Variants in ICA1L observed in about 807,000 individuals in gnomAD.
The protein encoded by ICA1L is islet cell autoantigen 1 like, also known as islet cell autoantigen 1-like protein.
A neutral mutation model predicts 61.3 loss-of-function variants in ICA1L; 50 were observed. The observed-to-expected ratio is 0.82, with a 90% CI of 0.65 to 1.03. The LOEUF (loss-of-function observed/expected upper bound fraction) is 1.03, where lower values mean the gene tolerates loss of function less well. Among genes scored for constraint, ICA1L ranks in the 50% least tolerant of loss-of-function variants. The pLI is 0.00. For missense variants in ICA1L, 508 were observed against 556.7 expected (o/e 0.91, Z 0.88); for synonymous variants, 161 against 191.3 (o/e 0.84, Z 1.31).
In ICA1L at chr2:202,786,506, G is replaced by A. The variant is rs952664928; in HGVS notation, c.1244-499C>T. On this transcript the variant is annotated intron_variant, in intron 11 of 12. Transcript: ENST00000358299. ...GGAGCTTGCAGTGAGCCGAGATTGCGCCACTGCAGTCCGCAGTCCGGCCTG... is the reference window on the plus strand; with the variant it reads ...GGAGCTTGCAGTGAGCCGAGATTGCACCACTGCAGTCCGCAGTCCGGCCTG... Among the ~76,000 whole-genome samples the A allele has an allele frequency of 3.9e-5, 6 of 152,020 alleles. No homozygotes were observed. In the South Asian group the frequency reaches 6.2e-4, roughly 16 times the overall value.
At chr2:202,835,193 G>A (rs939779676) in intron 1 of ICA1L, among the ~76,000 whole-genome samples, 9 of 148,330 alleles carry the variant, frequency 6.1e-5, no homozygotes, top group Non-Finnish European at 1.3e-4. Flanking sequence ...ACTGTCAATG[G>A]CATTGTTTTA....
chr2:202,793,265 C>T (rs1692810520), intron 10 of ICA1L, among the ~76,000 whole-genome samples: 1 of 151,782 alleles, frequency 6.6e-6, no homozygotes, highest in Non-Finnish European at 1.5e-5. Context: ...AATCCCAGTA[C>T]AGATTAAAAG....
At chr2:202,791,750 T>C (rs769580558) in intron 10 of ICA1L, among the ~76,000 whole-genome samples, 4 of 150,882 alleles carry the variant, frequency 2.7e-5, no homozygotes, top group South Asian at 2.1e-4. Flanking sequence ...GGAGGCAAGG[T>C]TGGAGAATCA....
At chr2:202,850,516 A>C (rs1694588544) in intron 1 of ICA1L, among the ~76,000 whole-genome samples, 1 of 152,186 alleles carries the variant, frequency 6.6e-6, no homozygotes, top group African/African-American at 2.4e-5. Flanking sequence ...AGCTGAATCA[A>C]TCAAGCGGAA....
At chr2:202,846,160 C>T (rs1694458427) in intron 1 of ICA1L, among the ~76,000 whole-genome samples, 1 of 152,146 alleles carries the variant, frequency 6.6e-6, no homozygotes, top group African/African-American at 2.4e-5. Flanking sequence ...CTACAATTAA[C>T]ATGTATAACT....
At chr2:202,794,746 C>T (rs1038518534) in intron 10 of ICA1L, among the ~76,000 whole-genome samples, 9 of 151,760 alleles carry the variant, frequency 5.9e-5, no homozygotes, top group African/African-American at 2.2e-4. Context: ...TTTACAATAG[C>T]AACCAGAAAG....
chr2:202,845,027 T>C (rs951487804), intron 1 of ICA1L, among the ~76,000 whole-genome samples: 4 of 152,206 alleles, frequency 2.6e-5, no homozygotes, highest in African/African-American at 9.6e-5. Flanking sequence ...CTAATCTTTC[T>C]CTAATTCTAT....
chr2:202,773,687 A>T lies in ICA1L; in HGVS notation c.*5846T>A, dbSNP rs531936155. 4 of 893,138 alleles carry T rather than the reference A, an allele frequency of 4.5e-6. No individual in the cohort carries two copies. The Admixed American group carries it at 9.3e-5, about 21-fold the overall frequency. 55.3% of individuals were successfully genotyped at this position (893,138 alleles called of 1,614,324 possible). On this transcript the variant is annotated 3_prime_UTR_variant, in exon 13 of 13. Coordinates refer to ENST00000358299, the MANE Select transcript of ICA1L (RefSeq NM_001288622.3). The stretch of plus-strand genomic sequence containing the variant: ...CAGAGATAGATGCCCAAGAGCTATC[A>T]TTAATATATACAGCATATTGACTCT...
In ICA1L at chr2:202,843,399, C is replaced by CA. The variant is rs1263969421; in HGVS notation, c.-7-14384dup. On this transcript the variant is annotated intron_variant, in intron 1 of 12. Coordinates refer to ENST00000358299, the MANE Select transcript of ICA1L (RefSeq NM_001288622.3). ...GGATAAAAATCACAGGGATCCATAG[C>CA]AACCAACGTTCTGAGTTTCTGCAGT... Among the ~76,000 whole-genome samples, 18 of 152,286 alleles carry CA rather than the reference C, an allele frequency of 1.2e-4. No individual in the cohort carries two copies. The East Asian group carries it at 3.5e-3, about 29-fold the overall frequency.
intron 1 of ICA1L, among the ~76,000 whole-genome samples, chr2:202,839,717 T>C (rs1477847266): frequency 6.6e-6 from 1 of 152,080 alleles, no homozygotes; most frequent in Non-Finnish European, 1.5e-5. Flanking sequence ...AAGGACTTAG[T>C]ACTACCATTT....
At chr2:202,837,743 C>T (rs1273481406) in intron 1 of ICA1L, among the ~76,000 whole-genome samples, 1 of 147,894 alleles carries the variant, frequency 6.8e-6, no homozygotes, top group Non-Finnish European at 1.5e-5. Context: ...TAGGGCTTTT[C>T]TTTTTTTTTT....
intron 1 of ICA1L, among the ~76,000 whole-genome samples, chr2:202,829,894 C>A (rs1398773031): frequency 2.0e-5 from 3 of 152,098 alleles, no homozygotes; most frequent in Admixed American, 2.0e-4. Flanking sequence ...GTATCAGTTC[C>A]TTAGGAAAAT....
chr2:202,829,701 G>C (rs1005401747), intron 1 of ICA1L, among the ~76,000 whole-genome samples: 3 of 152,048 alleles, frequency 2.0e-5, no homozygotes, highest in African/African-American at 7.2e-5. Context: ...ACAGGCAAAA[G>C]ATTAATTATA....
At chr2:202,811,816 GATT>G in intron 8 of ICA1L, 27 bp from the exon 9 acceptor site, 1 of 1,548,678 alleles carries the variant, frequency 6.5e-7, no homozygotes, top group Non-Finnish European at 8.9e-7. Flanking sequence ...AAAAAATGTA[GATT>G]TTTTGTTATA....
At chr2:202,848,784 G>C (rs1372943152) in intron 1 of ICA1L, among the ~76,000 whole-genome samples, 1 of 152,094 alleles carries the variant, frequency 6.6e-6, no homozygotes, top group Non-Finnish European at 1.5e-5. Flanking sequence ...TGACATTTTA[G>C]CCAGTGATGG....
At chr2:202,809,986 AG>A (rs1693329411) in intron 9 of ICA1L, among the ~76,000 whole-genome samples, 1 of 152,210 alleles carries the variant, frequency 6.6e-6, no homozygotes, top group Non-Finnish European at 1.5e-5. Flanking sequence ...ATCCAAGTAC[AG>A]GAAGGTTATA....
At chr2:202,802,789 T>C (rs1315709957) in intron 9 of ICA1L, among the ~76,000 whole-genome samples, 3 of 152,130 alleles carry the variant, frequency 2.0e-5, no homozygotes, top group Non-Finnish European at 4.4e-5. Context: ...AATGATGTTC[T>C]AATTTGTAGA....
chr2:202,828,971 CTGAT>C lies in ICA1L; in HGVS notation c.35_38del (p.Asn12SerfsTer3), dbSNP rs770879572. On this transcript the variant is annotated frameshift_variant, in exon 2 of 13. Coordinates refer to ENST00000358299, the MANE Select transcript of ICA1L (RefSeq NM_001288622.3). LOFTEE classifies it high-confidence loss of function. ...TCTTTTGCATTCTTCTGACTACTGACTGATTATCTTCTGGTCTGGGTTGCCCAAA... is the reference window on the plus strand; with the variant it reads ...TCTTTTGCATTCTTCTGACTACTGACTATCTTCTGGTCTGGGTTGCCCAAA... 2.5e-6 allele frequency: 4 copies of C among 1,605,550 alleles called. No individual in the cohort carries two copies. Among genetic ancestry groups the C allele is most frequent in the South Asian group, 1.1e-5 (1 of 89,346 alleles).
intron 10 of ICA1L, among the ~76,000 whole-genome samples, chr2:202,792,918 A>C (rs1253590357): frequency 6.6e-6 from 1 of 152,250 alleles, no homozygotes; most frequent in Non-Finnish European, 1.5e-5. Flanking sequence ...GTATGGCTTC[A>C]TTTATATGGA....
Sources: gnomAD v4.1 joint callset for allele counts (sites outside exome capture counted in the v4.1 genomes callset) on GRCh38, gnomAD v4.1.1 for gene constraint, MANE v1.5 for transcripts, NCBI Gene and HGNC (gene_info 2026-07-23, HGNC 2026-07-21) for gene names.